CEACAM6: variants seen among roughly 807,000 people sequenced by gnomAD.
CEACAM6 encodes the protein cell adhesion molecule CEACAM6.
Under a neutral mutation model 32.4 loss-of-function variants are expected in CEACAM6, and 21 were observed. That is an observed-to-expected ratio of 0.65 (90% CI 0.46 to 0.93). The LOEUF is 0.93. Among genes scored for constraint, CEACAM6 ranks in the 40% least tolerant of loss-of-function variants. The pLI, the probability that CEACAM6 is intolerant of heterozygous loss-of-function variation, is 0.00. For missense variants in CEACAM6, 406 were observed against 432.2 expected (o/e 0.94, Z 0.54); for synonymous variants, 184 against 174.4 (o/e 1.06, Z -0.43).
chr19:41,756,688 T>G lies in CEACAM6; in HGVS notation c.153T>G (p.Val51=), dbSNP rs147420110. The stretch of plus-strand genomic sequence containing the variant: ...TCAATGTCGCAGAGGGGAAGGAGGT[T>G]CTTCTACTCGCCCACAACCTGCCCC... ...TPFNVAEGKE[V]LLLAHNLPQN... is the part of the protein sequence containing the mutation. Residue 51 remains valine, a synonymous_variant, in exon 2 of 6, where the codon GTT becomes GTG. Transcript: ENST00000199764. The G allele has an allele frequency of 1.8e-5, 29 of 1,613,992 alleles. No individual in the cohort carries two copies. The highest frequency in any genetic ancestry group is 1.6e-4 in the South Asian group (15 of 91,090).
At chr19:41,762,391 GT>G (rs1469667060) in intron 4 of CEACAM6, among the ~76,000 whole-genome samples, 168 bp downstream of exon 4, 2 of 151,962 alleles carry the variant, frequency 1.3e-5, no homozygotes, top group African/African-American at 2.4e-5. Flanking sequence ...TTTTCCCCTT[GT>G]TTTTTTGTTT....
chr19:41,766,231 G>A lies in CEACAM6; in HGVS notation c.1007G>A (p.Gly336Glu). 1.2e-6 allele frequency: 2 copies of A among 1,606,494 alleles called. No homozygotes were observed. The highest frequency in any genetic ancestry group is 1.7e-6 in the Non-Finnish European group (2 of 1,177,036). ...SAVATVGITI[G>E]VLARVALI ...GTGGCCACCGTCGGCATCACGATTG[G>A]AGTGCTGGCCAGGGTGGCTCTGATA... Residue 336 changes from glycine to glutamate, a missense_variant, in exon 5 of 6, where the codon GGA becomes GAA. Coordinates refer to ENST00000199764, the MANE Select transcript of CEACAM6 (RefSeq NM_002483.7).
Position 41,756,710 on chromosome 19 carries a change from C to G in CEACAM6, c.175C>G (p.Pro59Ala). The change falls in exon 2 of 6, where the codon CCC (proline) becomes GCC (alanine). Residue 59 changes from proline to alanine, a missense_variant. Pro to Ala is a conservative substitution (Grantham distance 27). Coordinates refer to ENST00000199764, the MANE Select transcript of CEACAM6 (RefSeq NM_002483.7). The part of the protein sequence containing the change: ...KEVLLLAHNL[P>A]QNRIGYSWYK... Reference sequence around the variant, plus strand: ...GGTTCTTCTACTCGCCCACAACCTGCCCCAGAATCGTATTGGTTACAGCTG... The same window carrying G: ...GGTTCTTCTACTCGCCCACAACCTGGCCCAGAATCGTATTGGTTACAGCTG... The G allele has an allele frequency of 6.2e-7, 1 of 1,614,130 alleles. No individual in the cohort carries two copies. The highest frequency in any genetic ancestry group is 1.3e-5 in the African/African-American group (1 of 74,998).
intron 4 of CEACAM6, 141 bp from the exon 5 acceptor site, chr19:41,766,042 G>GA (rs111995688): frequency 7.4e-5 from 36 of 483,604 alleles, no homozygotes; most frequent in African/African-American, 1.8e-4. Context: ...TGGTAAGAGA[G>GA]AAAAAAAATT....
chr19:41,765,717 T>C (rs1237375754), intron 4 of CEACAM6, among the ~76,000 whole-genome samples: 1 of 152,204 alleles, frequency 6.6e-6, no homozygotes, highest in Non-Finnish European at 1.5e-5. Flanking sequence ...CTCACAGACC[T>C]GGGCTTGCTT....
At chr19:41,764,122 A>G (rs183802765) in intron 4 of CEACAM6, among the ~76,000 whole-genome samples, 1 of 152,270 alleles carries the variant, frequency 6.6e-6, no homozygotes, top group Non-Finnish European at 1.5e-5. Flanking sequence ...ATTTTGTCAA[A>G]TGCTTTTATT....
At position 41,756,638 on chromosome 19, in the gene CEACAM6, A is replaced by C. The variant is rs782716941; in HGVS notation, c.103A>C (p.Lys35Gln). The C allele has an allele frequency of 2.5e-6, 4 of 1,614,036 alleles. No individual in the cohort carries two copies. Among genetic ancestry groups the C allele is most frequent in the African/African-American group, 1.3e-5 (1 of 74,994 alleles). ...CTTCTGGAACCCACCCACCACTGCC[A>C]AGCTCACTATTGAATCCACGCCGTT... ...LTFWNPPTTA[K>Q]LTIESTPFNV... The change falls in exon 2 of 6, where the codon AAG (lysine) becomes CAG (glutamine). Residue 35 changes from lysine (K) to glutamine (Q), a missense_variant. Coordinates refer to ENST00000199764, the MANE Select transcript of CEACAM6 (RefSeq NM_002483.7).
rs782517580 is a variant in CEACAM6, at chr19:41,761,424, C to T, written c.600C>T (p.Leu200=). Residue 200 remains leucine, a synonymous_variant, in exon 3 of 6, where the codon CTC becomes CTT. Transcript: ENST00000199764. ...RLQLSNGNMT[L]TLLSVKRNDA... is the part of the protein sequence containing the mutation. ...AGCTGTCCAATGGCAACATGACCCT[C>T]ACTCTACTCAGCGTCAAAAGGAACG... is the stretch of plus-strand genomic sequence containing the variant. 6.2e-7 allele frequency: 1 copy of T among 1,614,106 alleles called. No homozygotes were observed. The highest frequency in any genetic ancestry group is 1.3e-5 in the African/African-American group (1 of 74,930).
chr19:41,761,315 C>T lies in CEACAM6; in HGVS notation c.491C>T (p.Ala164Val). The T allele has an allele frequency of 1.2e-6, 2 of 1,614,180 alleles. No individual in the cohort carries two copies. The highest frequency in any genetic ancestry group is 2.2e-5 in the South Asian group (2 of 91,080). The stretch of plus-strand genomic sequence containing the variant: ...CCCGTGGAGGACAAGGATGCTGTGG[C>T]CTTCACCTGTGAACCTGAGGTTCAG... Reference protein sequence around the residue: ...SNPVEDKDAVAFTCEPEVQNT... With the variant: ...SNPVEDKDAVVFTCEPEVQNT... Residue 164 changes from alanine (A) to valine (V), a missense_variant, in exon 3 of 6, where the codon GCC (alanine) becomes GTC (valine). Coordinates refer to ENST00000199764, the MANE Select transcript of CEACAM6 (RefSeq NM_002483.7).
intron 4 of CEACAM6, among the ~76,000 whole-genome samples, chr19:41,763,563 G>T (rs1449788373): frequency 2.0e-5 from 3 of 152,178 alleles, no homozygotes; most frequent in African/African-American, 7.2e-5. Context: ...CAATGCTTCT[G>T]CCCTATTCAC....
At chr19:41,765,579 C>T (rs1250937700) in intron 4 of CEACAM6, among the ~76,000 whole-genome samples, 1 of 152,174 alleles carries the variant, frequency 6.6e-6, no homozygotes, top group Non-Finnish European at 1.5e-5. Flanking sequence ...CCTCAGACCA[C>T]GATGCAGATC....
chr19:41,765,253 A>G (rs2072949578), intron 4 of CEACAM6, among the ~76,000 whole-genome samples: 1 of 152,214 alleles, frequency 6.6e-6, no homozygotes, highest in South Asian at 2.1e-4. Context: ...TTACTGTATA[A>G]ATCAAATGAG....
chr19:41,756,457 C>CACAT, intron 1 of CEACAM6, 143 bp from the exon 2 acceptor site: 1 of 316,466 alleles, frequency 3.2e-6, no homozygotes, highest in Non-Finnish European at 4.0e-6. Flanking sequence ...CAGTAGGACA[C>CACAT]ACACACACAC....
At chr19:41,757,319 G>A (rs2072894848) in intron 2 of CEACAM6, among the ~76,000 whole-genome samples, 1 of 152,054 alleles carries the variant, frequency 6.6e-6, no homozygotes, top group African/African-American at 2.4e-5. Context: ...ACCCCTCAGA[G>A]AGAAGCTCAA....
chr19:41,763,625 G>C (rs987264930), intron 4 of CEACAM6, among the ~76,000 whole-genome samples: 1 of 152,160 alleles, frequency 6.6e-6, no homozygotes, highest in Admixed American at 6.5e-5. Context: ...CTCGATCTCC[G>C]AGCCCTCAGA....
In CEACAM6 at chr19:41,766,172, C is replaced by G. The variant is rs2072954413; in HGVS notation, c.959-11C>G. ...ACATCACCTTCATTCCTTCTCTCTT[C>G]TTCCCACAAGGAAGTGCTCCTGTCC... On this transcript the variant is annotated splice_polypyrimidine_tract_variant and intron_variant, in intron 4 of 5. Transcript: ENST00000199764. The G allele has an allele frequency of 2.5e-6, 4 of 1,593,540 alleles. No homozygotes were observed. In the East Asian group the frequency reaches 9.2e-5, roughly 37 times the overall value.
Position 41,766,256 on chromosome 19 carries a change from A to G in CEACAM6, c.1032A>G (p.Ile344Met). 6.3e-7 allele frequency: 1 copy of G among 1,592,572 alleles called. No individual in the cohort carries two copies. Among genetic ancestry groups the G allele is most frequent in the East Asian group, 2.3e-5 (1 of 43,096 alleles). Residue 344 changes from isoleucine (I) to methionine (M), a missense_variant, in exon 5 of 6, where the codon ATA becomes ATG. By Grantham distance (10) the Ile-to-Met change is conservative. Coordinates refer to ENST00000199764, the MANE Select transcript of CEACAM6 (RefSeq NM_002483.7). ...GAGTGCTGGCCAGGGTGGCTCTGAT[A>G]TAGCAGCCCTGGTGTATTTTCGATA... ...TIGVLARVAL[I>M] is the part of the protein sequence containing the mutation.
At chr19:41,761,003 A>G (rs559508318) in intron 2 of CEACAM6, among the ~76,000 whole-genome samples, 162 of 152,316 alleles carry the variant, frequency 1.1e-3, no homozygotes, top group African/African-American at 3.8e-3. Flanking sequence ...GTGTCTGTCC[A>G]TGACCCAATG....
intron 2 of CEACAM6, among the ~76,000 whole-genome samples, chr19:41,759,581 T>C (rs1488865382): frequency 6.6e-6 from 1 of 152,214 alleles, no homozygotes; most frequent in South Asian, 2.1e-4. Context: ...AAGGAGTTGC[T>C]AATTTCAAAC....
Sources: allele counts gnomAD v4.1 joint callset (sites outside exome capture counted in the v4.1 genomes callset), GRCh38; gene constraint gnomAD v4.1.1; transcripts MANE v1.5; gene names NCBI Gene and HGNC (gene_info 2026-07-23, HGNC 2026-07-21).